LRFN2: variants seen among roughly 807,000 people sequenced by gnomAD.
The protein encoded by LRFN2 is leucine-rich repeat and fibronectin type-III domain-containing protein 2.
Under a neutral mutation model 37.3 loss-of-function variants are expected in LRFN2, and 18 were observed. That is an observed-to-expected ratio of 0.48 (90% CI 0.33 to 0.72). The LOEUF is 0.72. LRFN2 is among the 30% of genes least tolerant of loss of function. The pLI is 0.02. For missense variants in LRFN2, 1,006 were observed against 1,060.7 expected, an observed-to-expected ratio of 0.95 and a Z score of 0.72; for synonymous variants, 556 against 466.6, an observed-to-expected ratio of 1.19 and a Z score of -2.47.
In LRFN2 at chr6:40,482,927, C is replaced by T. The variant is rs531829925; in HGVS notation, c.-18-49796G>A. ...TGACTAGGGCGCCTAAGGGGCTGTG[C>T]CCACGCCACTGCCAGCTCCCTGTCC... On this transcript the variant is annotated intron_variant, in intron 1 of 2. Transcript: ENST00000338305. Among the ~76,000 whole-genome samples the T allele has an allele frequency of 2.6e-5, 4 of 152,310 alleles. No individual in the cohort carries two copies. The East Asian group carries it at 7.7e-4, about 29-fold the overall frequency.
intron 1 of LRFN2, among the ~76,000 whole-genome samples, chr6:40,473,139 C>T (rs1764640051): frequency 6.6e-6 from 1 of 152,130 alleles, no homozygotes; most frequent in African/African-American, 2.4e-5. Context: ...ATCTTCTGGG[C>T]CCCAGCCAAA....
intron 1 of LRFN2, among the ~76,000 whole-genome samples, chr6:40,457,265 A>C (rs572914575): frequency 6.6e-6 from 1 of 152,252 alleles, no homozygotes; most frequent in South Asian, 2.1e-4. Context: ...AGGGATCTTA[A>C]ATATGTGGAT....
intron 1 of LRFN2, among the ~76,000 whole-genome samples, chr6:40,467,036 G>A (rs904215432): frequency 5.3e-5 from 8 of 151,990 alleles, no homozygotes; most frequent in South Asian, 2.1e-4. Flanking sequence ...CAACCCTGCC[G>A]ACCCCTGGAT....
At chr6:40,515,340 G>A (rs977284945) in intron 1 of LRFN2, among the ~76,000 whole-genome samples, 4 of 152,222 alleles carry the variant, frequency 2.6e-5, no homozygotes, top group African/African-American at 9.6e-5. Flanking sequence ...CCTGAAAACA[G>A]CAGACCCAGG....
At chr6:40,574,602 T>C (rs1767243821) in intron 1 of LRFN2, among the ~76,000 whole-genome samples, 3 of 152,200 alleles carry the variant, frequency 2.0e-5, no homozygotes, top group Middle Eastern at 3.2e-3. Flanking sequence ...CTTCACACTT[T>C]CCATAAATGT....
intron 2 of LRFN2, among the ~76,000 whole-genome samples, chr6:40,424,526 G>A (rs561709634): frequency 6.6e-6 from 1 of 152,064 alleles, no homozygotes; most frequent in Non-Finnish European, 1.5e-5. Context: ...TATAAAATGG[G>A]TTTAACGTTA....
At position 40,474,501 on chromosome 6, in the gene LRFN2, T is replaced by C. The variant is rs7751991; in HGVS notation, c.-18-41370A>G. Among the ~76,000 whole-genome samples, 803 of 152,272 alleles carry C rather than the reference T, an allele frequency of 5.3e-3. 13 individuals carry two copies. The highest frequency in any genetic ancestry group is 0.018 in the African/African-American group (761 of 41,550). ...TTATTTTTTGTTTTGTTTTGTTTTG[T>C]TTTTTTGAGATGCAGTCTCACTCTG... On this transcript the variant is annotated intron_variant, in intron 1 of 2. Coordinates refer to ENST00000338305, the MANE Select transcript of LRFN2 (RefSeq NM_020737.3).
intron 1 of LRFN2, among the ~76,000 whole-genome samples, chr6:40,482,070 T>C (rs1341390693): frequency 6.6e-6 from 1 of 152,218 alleles, no homozygotes; most frequent in East Asian, 1.9e-4. Context: ...TGCTGGGTTC[T>C]GCAGCCAGGC....
At chr6:40,448,731 C>T (rs1401513847) in intron 1 of LRFN2, among the ~76,000 whole-genome samples, 2 of 152,194 alleles carry the variant, frequency 1.3e-5, no homozygotes, top group Non-Finnish European at 2.9e-5. Context: ...AATCGTTTCT[C>T]TTAATTCACA....
Position 40,397,820 on chromosome 6 carries a change from A to G in LRFN2, c.1401-4908T>C, listed in dbSNP as rs75800131. ...GTTACGTCTGCCTCATCCCCAGGAGAGAGAAGCATGTAGGCCAGTGCTGCT... is the reference window on the plus strand; with the variant it reads ...GTTACGTCTGCCTCATCCCCAGGAGGGAGAAGCATGTAGGCCAGTGCTGCT... On this transcript the variant is annotated intron_variant, in intron 2 of 2. Coordinates refer to ENST00000338305, the MANE Select transcript of LRFN2 (RefSeq NM_020737.3). 6.3e-3 allele frequency among the ~76,000 whole-genome samples: 956 copies of G among 152,166 alleles called. 15 individuals are homozygous for G. The highest frequency in any genetic ancestry group is 0.022 in the African/African-American group (910 of 41,560).
intron 1 of LRFN2, chr6:40,517,643 T>A (rs1765922751): frequency 6.6e-6 from 1 of 152,164 alleles, no homozygotes. Flanking sequence ...CCCCGATGCC[T>A]CCCTAACACC....
intron 1 of LRFN2, among the ~76,000 whole-genome samples, chr6:40,459,710 T>C (rs947903000): frequency 5.9e-5 from 9 of 152,210 alleles, no homozygotes; most frequent in African/African-American, 2.2e-4. Context: ...ATGCTTCTTT[T>C]GGGATGCTTG....
chr6:40,507,512 C>T (rs763743362), intron 1 of LRFN2, among the ~76,000 whole-genome samples: 10 of 152,156 alleles, frequency 6.6e-5, no homozygotes, highest in Admixed American at 6.5e-5. Context: ...CATGGGAGTG[C>T]GGATTAAAGG....
chr6:40,487,251 C>T (rs1279590598), intron 1 of LRFN2, among the ~76,000 whole-genome samples: 2 of 152,168 alleles, frequency 1.3e-5, no homozygotes, highest in African/African-American at 4.8e-5. Flanking sequence ...CTTCTCTATT[C>T]TCTTTCCCTT....
At chr6:40,573,641 G>A (rs1185800391) in intron 1 of LRFN2, among the ~76,000 whole-genome samples, 1 of 152,168 alleles carries the variant, frequency 6.6e-6, no homozygotes, top group Non-Finnish European at 1.5e-5. Flanking sequence ...TGGGTAGGGT[G>A]CCCAACTCAT....
intron 1 of LRFN2, among the ~76,000 whole-genome samples, chr6:40,507,145 A>G (rs1452724601): frequency 6.6e-6 from 1 of 152,082 alleles, no homozygotes; most frequent in Non-Finnish European, 1.5e-5. Context: ...ATGGATGCCA[A>G]CTCAACTCAG....
At chr6:40,456,336 T>A (rs969203) in intron 1 of LRFN2, among the ~76,000 whole-genome samples, 13,938 of 152,232 alleles carry the variant, frequency 0.092, 697 homozygotes, top group Admixed American at 0.14. Flanking sequence ...AGGAGGCAGA[T>A]AACTGCTTAG....
intron 1 of LRFN2, among the ~76,000 whole-genome samples, chr6:40,527,802 T>C (rs547271159): frequency 2.6e-5 from 4 of 152,364 alleles, no homozygotes; most frequent in African/African-American, 9.6e-5. Flanking sequence ...CATTTGAAAC[T>C]ACGTGCTTAT....
intron 1 of LRFN2, among the ~76,000 whole-genome samples, chr6:40,482,435 A>C (rs1421636703): frequency 1.3e-5 from 2 of 151,938 alleles, no homozygotes; most frequent in African/African-American, 4.8e-5. Context: ...GTGGAACCAC[A>C]TCCTCCCCTT....
Sources: gnomAD v4.1 joint callset for allele counts (sites outside exome capture counted in the v4.1 genomes callset) on GRCh38, gnomAD v4.1.1 for gene constraint, MANE v1.5 for transcripts, NCBI Gene and HGNC (gene_info 2026-07-23, HGNC 2026-07-21) for gene names.